The following SFXN1 variants were observed in gnomAD, a reference collection of about 807,000 sequenced individuals.
SFXN1 encodes the protein sideroflexin-1.
In SFXN1, 32 loss-of-function variants were observed where a neutral mutation model predicts 39.5. The observed-to-expected ratio is 0.81, with a 90% confidence interval of 0.61 to 1.09. The LOEUF (loss-of-function observed/expected upper bound fraction) is 1.09. Ranked by LOEUF, SFXN1 falls within the 50% of genes least tolerant of loss-of-function variation. The pLI, the probability that SFXN1 is intolerant of heterozygous loss-of-function variation, is 0.00. For synonymous variants in SFXN1, 136 were observed against 146.5 expected (o/e 0.93, Z 0.52); for missense variants, 402 against 407.1 (o/e 0.99, Z 0.11).
intron 1 of SFXN1, among the ~76,000 whole-genome samples, chr5:175,486,203 A>G (rs1366790594): frequency 6.6e-6 from 1 of 152,202 alleles, no homozygotes; most frequent in Non-Finnish European, 1.5e-5. Flanking sequence ...GGCCTCCAAG[A>G]TATCATTTCT....
Position 175,510,148 on chromosome 5 carries a change from G to A in SFXN1, c.375G>A (p.Gln125=). The part of the protein sequence containing the change: ...PAVLFWQWIN[Q]SFNAVVNYTN... ...TGCTGTTCTGGCAGTGGATTAACCAGTCCTTCAATGCCGTCGTCAATTACA... is the reference window on the plus strand; with the variant it reads ...TGCTGTTCTGGCAGTGGATTAACCAATCCTTCAATGCCGTCGTCAATTACA... Residue 125 remains glutamine (Q), a synonymous_variant, in exon 4 of 11, where the codon CAG becomes CAA. Transcript: ENST00000321442. 1 of 1,613,444 alleles carries A rather than the reference G, an allele frequency of 6.2e-7. No homozygotes were observed. Among genetic ancestry groups the A allele is most frequent in the Non-Finnish European group, 8.5e-7 (1 of 1,179,794 alleles).
At chr5:175,496,124 C>T (rs1759850180) in intron 2 of SFXN1, among the ~76,000 whole-genome samples, 1 of 152,066 alleles carries the variant, frequency 6.6e-6, no homozygotes, top group Admixed American at 6.5e-5. Context: ...TCTCAAACTC[C>T]TGACCTCAAG....
At chr5:175,508,955 C>A in intron 2 of SFXN1, 77 bp from the exon 3 acceptor site, 1 of 1,419,470 alleles carries the variant, frequency 7.0e-7, no homozygotes, top group Non-Finnish European at 9.5e-7. Context: ...CTTTTAAAAC[C>A]TTGTAGCCAC....
At chr5:175,496,067 A>G (rs1759848847) in intron 2 of SFXN1, among the ~76,000 whole-genome samples, 1 of 151,148 alleles carries the variant, frequency 6.6e-6, no homozygotes, top group African/African-American at 2.4e-5. Context: ...CACCTGGCTA[A>G]TTTTGTATTT....
In SFXN1 at chr5:175,509,031, G is replaced by A; in HGVS notation, c.165-1G>A. Reference sequence around the variant, plus strand: ...TGCCATATTATTTGTTGTTTTCTTAGGCAAGGAATTGTTCCTCCTGGTCTT... The same window carrying A: ...TGCCATATTATTTGTTGTTTTCTTAAGCAAGGAATTGTTCCTCCTGGTCTT... On this transcript the variant is annotated splice_acceptor_variant, in intron 2 of 10. Coordinates refer to ENST00000321442, the MANE Select transcript of SFXN1 (RefSeq NM_022754.7). LOFTEE classifies it high-confidence loss of function. 6.2e-7 allele frequency: 1 copy of A among 1,601,980 alleles called. No homozygotes were observed. The highest frequency in any genetic ancestry group is 8.5e-7 in the Non-Finnish European group (1 of 1,174,022).
rs147029938 is a variant in SFXN1, at chr5:175,510,923, A to T, written c.435-528A>T. Among the ~76,000 whole-genome samples, 1,266 of 152,318 alleles carry T rather than the reference A, an allele frequency of 8.3e-3. 11 individuals are homozygous for T. The highest frequency in any genetic ancestry group is 0.014 in the Non-Finnish European group (922 of 68,020). On this transcript the variant is annotated intron_variant, in intron 4 of 10. Transcript: ENST00000321442. ...GCCAAGTGGTGTTTATTGCAATTAA[A>T]ATTTCTTTTAAAAGAAGAGAGAATT...
In SFXN1 at chr5:175,491,131, A is replaced by G. The variant is rs146924666; in HGVS notation, c.-9-964A>G. Among the ~76,000 whole-genome samples, 10 of 152,362 alleles carry G rather than the reference A, an allele frequency of 6.6e-5. No individual in the cohort carries two copies. In the East Asian group the frequency reaches 1.7e-3, roughly 26 times the overall value. On this transcript the variant is annotated intron_variant, in intron 1 of 10. Coordinates refer to ENST00000321442, the MANE Select transcript of SFXN1 (RefSeq NM_022754.7). ...AAGAAATTAATTACTTTTGGAAAAA[A>G]AGTAATGGCTCTTTAGCCAGAAAAT...
Position 175,528,378 on chromosome 5 carries a change from A to T in SFXN1, c.*1644A>T, listed in dbSNP as rs1050118883. On this transcript the variant is annotated 3_prime_UTR_variant, in exon 11 of 11. Transcript: ENST00000321442. ...ATACAGGAGGATGTGCCTAGGTTAT[A>T]TGCAAATACTGTGCCATTTTATATC... The T allele has an allele frequency of 6.6e-6, 1 of 152,196 alleles. No homozygotes were observed. The highest frequency in any genetic ancestry group is 1.5e-5 in the Non-Finnish European group (1 of 68,060). The allele number at this position is 152,196 out of a possible 1,614,324, so 9.4% of individuals were successfully genotyped here.
intron 5 of SFXN1, 60 bp downstream of exon 5, chr5:175,511,586 T>C (rs1760518395): frequency 7.7e-7 from 1 of 1,304,852 alleles, no homozygotes; most frequent in African/African-American, 1.5e-5. Context: ...TGCCTGGCTC[T>C]AAATCCCTCT....
intron 6 of SFXN1, among the ~76,000 whole-genome samples, chr5:175,512,564 T>C (rs2113339752): frequency 6.6e-6 from 1 of 151,006 alleles, no homozygotes; most frequent in Admixed American, 6.6e-5. Context: ...AATAGATTCC[T>C]TTTTTTTCTC....
chr5:175,514,523 A>C (rs1267044946), intron 7 of SFXN1, among the ~76,000 whole-genome samples: 1 of 152,218 alleles, frequency 6.6e-6, no homozygotes, highest in African/African-American at 2.4e-5. Context: ...AGTATGTTTA[A>C]TTTTCATCAT....
rs1760462332 is a variant in SFXN1, at chr5:175,510,177, A to G, written c.404A>G (p.Asn135Ser). Residue 135 changes from asparagine (N) to serine (S), a missense_variant, in exon 4 of 11, where the codon AAC becomes AGC. Asn to Ser is a conservative substitution (Grantham distance 46). Coordinates refer to ENST00000321442, the MANE Select transcript of SFXN1 (RefSeq NM_022754.7). ...QSFNAVVNYT[N>S]RSGDAPLTVN... is the part of the protein sequence containing the mutation. ...TTCAATGCCGTCGTCAATTACACCA[A>G]CAGAAGTGGAGACGCACCCCTCACT... is the stretch of plus-strand genomic sequence containing the variant. 6.2e-7 allele frequency: 1 copy of G among 1,613,338 alleles called. No individual in the cohort carries two copies. The highest frequency in any genetic ancestry group is 1.1e-5 in the South Asian group (1 of 90,814).
intron 1 of SFXN1, among the ~76,000 whole-genome samples, chr5:175,489,154 T>C (rs990942537): frequency 2.0e-5 from 3 of 152,214 alleles, no homozygotes; most frequent in African/African-American, 7.2e-5. Flanking sequence ...TTTTTTCTCC[T>C]AAGTATTTAG....
At chr5:175,521,238 C>T (rs1760869618) in intron 8 of SFXN1, among the ~76,000 whole-genome samples, 1 of 112,724 alleles carries the variant, frequency 8.9e-6, no homozygotes, top group African/African-American at 3.6e-5. Flanking sequence ...GACCAACCAA[C>T]TTGTTCATTT....
At chr5:175,481,465 G>A (rs1160169971) in intron 1 of SFXN1, among the ~76,000 whole-genome samples, 1 of 152,166 alleles carries the variant, frequency 6.6e-6, no homozygotes, top group African/African-American at 2.4e-5. Flanking sequence ...GGGATTGCAG[G>A]TGCGTGCCAC....
intron 1 of SFXN1, among the ~76,000 whole-genome samples, chr5:175,478,996 A>G (rs1370199742): frequency 1.3e-5 from 2 of 152,148 alleles, no homozygotes; most frequent in African/African-American, 4.8e-5. Flanking sequence ...GGGGACACCA[A>G]GATGGCTGCC....
At chr5:175,481,465 G>T (rs1160169971) in intron 1 of SFXN1, among the ~76,000 whole-genome samples, 2 of 152,166 alleles carry the variant, frequency 1.3e-5, no homozygotes. Context: ...GGGATTGCAG[G>T]TGCGTGCCAC....
intron 1 of SFXN1, among the ~76,000 whole-genome samples, chr5:175,484,692 G>T (rs1045806001): frequency 6.6e-6 from 1 of 152,228 alleles, no homozygotes; most frequent in African/African-American, 2.4e-5. Context: ...CCCAGGCCCC[G>T]TGCGTAAGGA....
Position 175,522,361 on chromosome 5 carries a change from G to A in SFXN1, c.825-14G>A. ...ATTTAAAATGGTCTGACTTTTTTTTGTATTTTTTTTAAGTTTGGTGTTTGC... is the reference window on the plus strand; with the variant it reads ...ATTTAAAATGGTCTGACTTTTTTTTATATTTTTTTTAAGTTTGGTGTTTGC... On this transcript the variant is annotated splice_polypyrimidine_tract_variant and intron_variant, in intron 9 of 10. Transcript: ENST00000321442. 1 of 1,574,752 alleles carries A rather than the reference G, an allele frequency of 6.4e-7. No individual in the cohort carries two copies.
Sources: gnomAD v4.1 joint callset for allele counts (sites outside exome capture counted in the v4.1 genomes callset) on GRCh38, gnomAD v4.1.1 for gene constraint, MANE v1.5 for transcripts, NCBI Gene and HGNC (gene_info 2026-07-23, HGNC 2026-07-21) for gene names.